The following LHFPL3 variants were observed in gnomAD, a reference collection of about 807,000 sequenced individuals.
The protein encoded by LHFPL3 is LHFPL tetraspan subfamily member 3 protein.
A neutral mutation model predicts 19.3 loss-of-function variants in LHFPL3; 5 were observed. The observed-to-expected ratio is 0.26, with a 90% CI of 0.14 to 0.54. The LOEUF (loss-of-function observed/expected upper bound fraction) is 0.54. Among genes scored for constraint, LHFPL3 ranks in the 20% least tolerant of loss-of-function variants. The pLI is 0.94. For missense variants in LHFPL3, 249 were observed against 307.4 expected (o/e 0.81, Z 1.42); for synonymous variants, 133 against 126.2 (o/e 1.05, Z -0.36).
intron 2 of LHFPL3, 38 bp from the exon 3 acceptor site, chr7:104,906,149 C>G (rs1016865871): frequency 1.3e-6 from 2 of 1,599,330 alleles, no homozygotes; most frequent in Non-Finnish European, 1.7e-6. Context: ...TTTCTCTCCC[C>G]CCACCCTTTT....
At chr7:104,848,568 C>A (rs1296001433) in intron 2 of LHFPL3, among the ~76,000 whole-genome samples, 1 of 152,004 alleles carries the variant, frequency 6.6e-6, no homozygotes, top group Non-Finnish European at 1.5e-5. Context: ...CTAGGATAAT[C>A]ATTGTCCTGC....
At chr7:104,729,411 A>T (rs1294257443) in intron 1 of LHFPL3, among the ~76,000 whole-genome samples, 1 of 152,176 alleles carries the variant, frequency 6.6e-6, no homozygotes, top group African/African-American at 2.4e-5. Context: ...TTTGAAATGT[A>T]TAATATAATG....
chr7:104,880,044 A>AG (rs1266153511), intron 2 of LHFPL3, among the ~76,000 whole-genome samples: 2 of 152,130 alleles, frequency 1.3e-5, no homozygotes, highest in East Asian at 3.8e-4. Context: ...CTTCAAAAAA[A>AG]AAAACCAAAG....
At chr7:104,715,741 C>T (rs1428996787) in intron 1 of LHFPL3, among the ~76,000 whole-genome samples, 2 of 152,140 alleles carry the variant, frequency 1.3e-5, no homozygotes, top group Non-Finnish European at 2.9e-5. Context: ...AGGGATAAAT[C>T]CCACTTGGCA....
At chr7:104,790,252 T>C (rs1265520295) in intron 2 of LHFPL3, among the ~76,000 whole-genome samples, 1 of 152,102 alleles carries the variant, frequency 6.6e-6, no homozygotes, top group Admixed American at 6.6e-5. Flanking sequence ...CCCAAGGCAA[T>C]TTTCCCCAAA....
At chr7:104,342,943 G>A (rs1408197820) in intron 1 of LHFPL3, among the ~76,000 whole-genome samples, 2 of 150,074 alleles carry the variant, frequency 1.3e-5, no homozygotes, top group African/African-American at 4.9e-5. Context: ...ATCAATATGA[G>A]TTTGCATTTC....
intron 1 of LHFPL3, among the ~76,000 whole-genome samples, chr7:104,567,965 C>T (rs1461064069): frequency 4.6e-5 from 7 of 152,172 alleles, no homozygotes; most frequent in African/African-American, 1.7e-4. Context: ...GGGGCACCAA[C>T]TATGGCTACC....
intron 2 of LHFPL3, among the ~76,000 whole-genome samples, chr7:104,774,833 C>T (rs1794614394): frequency 1.3e-5 from 2 of 152,138 alleles, no homozygotes; most frequent in South Asian, 2.1e-4. Context: ...GGATTAAAGG[C>T]CTCATTCAGG....
intron 1 of LHFPL3, among the ~76,000 whole-genome samples, chr7:104,363,709 A>T (rs1319577587): frequency 6.6e-6 from 1 of 152,222 alleles, no homozygotes; most frequent in Non-Finnish European, 1.5e-5. Flanking sequence ...ACCTAGTCAG[A>T]TCCTTGCCAT....
At chr7:104,374,598 A>G (rs1485889945) in intron 1 of LHFPL3, among the ~76,000 whole-genome samples, 2 of 152,168 alleles carry the variant, frequency 1.3e-5, no homozygotes, top group Non-Finnish European at 2.9e-5. Context: ...GGTGGGAGAC[A>G]CATGAAAAAT....
intron 1 of LHFPL3, among the ~76,000 whole-genome samples, chr7:104,601,315 T>C (rs1295870207): frequency 2.0e-5 from 3 of 152,206 alleles, no homozygotes; most frequent in South Asian, 2.1e-4. Context: ...TTAACTCTTA[T>C]GATTTTTTTA....
At chr7:104,550,985 T>G (rs978174642) in intron 1 of LHFPL3, among the ~76,000 whole-genome samples, 1 of 152,146 alleles carries the variant, frequency 6.6e-6, no homozygotes, top group African/African-American at 2.4e-5. Flanking sequence ...CTCCTTGCTC[T>G]CTCTCACCAG....
At chr7:104,704,809 A>G (rs1793163351) in intron 1 of LHFPL3, among the ~76,000 whole-genome samples, 1 of 151,792 alleles carries the variant, frequency 6.6e-6, no homozygotes. Context: ...CTAATTTTTT[A>G]ACTTTTTGTA....
At chr7:104,722,866 T>C (rs868018940) in intron 1 of LHFPL3, among the ~76,000 whole-genome samples, 58 of 152,286 alleles carry the variant, frequency 3.8e-4, no homozygotes, top group African/African-American at 1.2e-3. Context: ...ATTTATCAGT[T>C]TTTTTGTGCA....
intron 1 of LHFPL3, among the ~76,000 whole-genome samples, chr7:104,681,142 CTTTCT>C (rs1392049266): frequency 1.5e-5 from 2 of 136,080 alleles, no homozygotes; most frequent in Non-Finnish European, 3.1e-5. Flanking sequence ...GGTTTTTTGT[CTTTCT>C]TTTCTTCTTT....
chr7:104,538,520 C>T (rs868747749), intron 1 of LHFPL3, among the ~76,000 whole-genome samples: 4 of 152,190 alleles, frequency 2.6e-5, no homozygotes, highest in African/African-American at 2.4e-5. Context: ...GTCAGAATAA[C>T]ACGTTTTCCA....
intron 1 of LHFPL3, among the ~76,000 whole-genome samples, chr7:104,476,609 T>A (rs1389908850): frequency 6.6e-6 from 1 of 152,106 alleles, no homozygotes; most frequent in Non-Finnish European, 1.5e-5. Flanking sequence ...TACAGGCATG[T>A]GCCATCATGC....
At position 104,423,142 on chromosome 7, in the gene LHFPL3, A is replaced by G. The variant is rs572323612; in HGVS notation, c.445+93918A>G. ...ATGCATGTTACAAGAGGGGAGGACA[A>G]TAAGCCAATGGTAATGGAGATTAGG... On this transcript the variant is annotated intron_variant, in intron 1 of 2. Coordinates refer to ENST00000424859, the MANE Select transcript of LHFPL3 (RefSeq NM_199000.3). 7.2e-5 allele frequency among the ~76,000 whole-genome samples: 11 copies of G among 152,300 alleles called. No homozygotes were observed. The East Asian group carries it at 1.5e-3, about 21-fold the overall frequency.
In LHFPL3 at chr7:104,754,619, C is replaced by A. The variant is rs1200119412; in HGVS notation, c.682+17708C>A. ...CATAATCCAAGTACGGCACTTAGCT[C>A]AGTGCTTAATATATAATTAGTATTC... is the stretch of plus-strand genomic sequence containing the variant. On this transcript the variant is annotated intron_variant, in intron 2 of 2. Transcript: ENST00000424859. Among the ~76,000 whole-genome samples, 4 of 152,136 alleles carry A rather than the reference C, an allele frequency of 2.6e-5. No individual in the cohort carries two copies. The East Asian group carries it at 7.7e-4, about 29-fold the overall frequency.
Sources: allele counts gnomAD v4.1 joint callset (sites outside exome capture counted in the v4.1 genomes callset), GRCh38; gene constraint gnomAD v4.1.1; transcripts MANE v1.5; gene names NCBI Gene and HGNC (gene_info 2026-07-23, HGNC 2026-07-21).